Variants in CREBBP observed in about 807,000 individuals in gnomAD.
The protein encoded by CREBBP is CREB binding lysine acetyltransferase.
In CREBBP, 19 loss-of-function variants were observed where a neutral mutation model predicts 265.0. That is an observed-to-expected ratio of 0.07 (90% CI 0.05 to 0.11). The LOEUF (loss-of-function observed/expected upper bound fraction) is 0.11, where lower values mean the gene tolerates loss of function less well. Ranked by LOEUF, CREBBP falls within the 10% of genes least tolerant of loss-of-function variation. CREBBP has a pLI of 1.00. For missense variants in CREBBP, 2,525 were observed against 3,219.0 expected (o/e 0.78, Z 5.22); for synonymous variants, 1,457 against 1,223.7 (o/e 1.19, Z -3.98).
intron 2 of CREBBP, among the ~76,000 whole-genome samples, chr16:3,846,283 G>A (rs761225750): frequency 2.0e-5 from 3 of 152,230 alleles, no homozygotes; most frequent in Non-Finnish European, 4.4e-5. Context: ...TTGCTTAACA[G>A]AATGTCAAGT....
rs771521258 is a variant in CREBBP at position 3,793,483 on chromosome 16, T to C, written c.1119A>G (p.Ala373=). 6.2e-7 allele frequency: 1 copy of C among 1,614,060 alleles called. No individual in the cohort carries two copies. ...HAHKCQRREQ[A]NGEVRACSLP... ...GCGAGCAGGCCCGAACCTCTCCGTT[T>C]GCTTGCTCTCGTCTCTGACACTTAT... Residue 373 remains alanine, a synonymous_variant, in exon 4 of 31, where the codon GCA becomes GCG. Coordinates refer to ENST00000262367, the MANE Select transcript of CREBBP (RefSeq NM_004380.3).
rs1160664104 is a variant in CREBBP, at chr16:3,781,837, T to C, written c.1574-531A>G. On this transcript the variant is annotated intron_variant, in intron 6 of 30. Coordinates refer to ENST00000262367, the MANE Select transcript of CREBBP (RefSeq NM_004380.3). ...ATTATACCATCAACAGGAGAGGAGT[T>C]AGATTAACACTTGGGTCTCAGGATT... Among the ~76,000 whole-genome samples the C allele has an allele frequency of 2.0e-5, 3 of 152,168 alleles. No homozygotes were observed. The East Asian group carries it at 5.8e-4, about 29-fold the overall frequency.
chr16:3,728,862 A>C lies in CREBBP; in HGVS notation c.6185T>G (p.Ile2062Ser), dbSNP rs1200572057. Reference protein sequence around the residue: ...RMPSVQPPRSISPSALQDLLR... With the variant: ...RMPSVQPPRSSSPSALQDLLR... ...CAGGTCTTGCAGAGCGCTGGGTGAG[A>C]TGCTCCTGGGTGGCTGCACGCTGGG... The change falls in exon 31 of 31, where the codon ATC (isoleucine) becomes AGC (serine). Residue 2062 changes from isoleucine (I) to serine (S), a missense_variant. This residue lies in a region of CREBBP where 275 missense variants were observed against 276.5 expected (regional missense o/e 0.99). Coordinates refer to ENST00000262367, the MANE Select transcript of CREBBP (RefSeq NM_004380.3). The surrounding 1 kb of genome is among the most constrained non-coding windows in gnomAD (Gnocchi z 8.7). 2 of 1,612,668 alleles carry C rather than the reference A, an allele frequency of 1.2e-6. No individual in the cohort carries two copies. Among genetic ancestry groups the C allele is most frequent in the East Asian group, 4.5e-5 (2 of 44,854 alleles).
chr16:3,776,355 G>T (rs1419152166), intron 11 of CREBBP, among the ~76,000 whole-genome samples: 1 of 152,036 alleles, frequency 6.6e-6, no homozygotes, highest in Non-Finnish European at 1.5e-5. Flanking sequence ...AGAGCTACAG[G>T]GTTTTCAAAT....
rs374048651 is a variant in CREBBP, at chr16:3,778,195, A to G, written c.1942-13T>C. On this transcript the variant is annotated splice_polypyrimidine_tract_variant and intron_variant, in intron 9 of 30. Transcript: ENST00000262367. ...GATAATATTCATCCTAAAAAGCAAT[A>G]ATATTCAATATGAAACAGTTAAAAC... The G allele has an allele frequency of 3.4e-5, 54 of 1,575,218 alleles. No individual in the cohort carries two copies. The highest frequency in any genetic ancestry group is 4.5e-5 in the Non-Finnish European group (51 of 1,145,026).
At position 3,727,575 on chromosome 16, in the gene CREBBP, G is replaced by T; in HGVS notation, c.*143C>A. Reference sequence around the variant, plus strand: ...TTTTTAACAAAAAAATATATTCTTTGTATTGTTTCTTTAAACATCAATCCA... The same window carrying T: ...TTTTTAACAAAAAAATATATTCTTTTTATTGTTTCTTTAAACATCAATCCA... On this transcript the variant is annotated 3_prime_UTR_variant, in exon 31 of 31. Transcript: ENST00000262367. 8.0e-7 allele frequency: 1 copy of T among 1,245,856 alleles called. No homozygotes were observed. Among genetic ancestry groups the T allele is most frequent in the Non-Finnish European group, 1.1e-6 (1 of 936,694 alleles). The allele number at this position is 1,245,856 out of a possible 1,614,324, so 77.2% of individuals were successfully genotyped here.
intron 19 of CREBBP, among the ~76,000 whole-genome samples, chr16:3,756,364 C>T (rs530447734): frequency 2.0e-5 from 3 of 152,250 alleles, no homozygotes; most frequent in Non-Finnish European, 2.9e-5. Context: ...GACACTTACA[C>T]GCTGCGGTAC....
At chr16:3,745,244 G>A (rs1275721987) in intron 22 of CREBBP, 33 bp downstream of exon 22, 2 of 1,598,700 alleles carry the variant, frequency 1.3e-6, no homozygotes, top group East Asian at 2.2e-5. Context: ...GCTCTGTGCA[G>A]AACTGCCCTC....
chr16:3,771,022 C>A (rs2141205185), intron 13 of CREBBP, 36 bp from the exon 14 acceptor site: 1 of 1,609,516 alleles, frequency 6.2e-7, no homozygotes, highest in South Asian at 1.1e-5. Flanking sequence ...AAAATTATTT[C>A]CCCCGTTTGA....
chr16:3,754,332 T>C (rs1040907415), intron 19 of CREBBP, among the ~76,000 whole-genome samples: 1 of 152,200 alleles, frequency 6.6e-6, no homozygotes, highest in South Asian at 2.1e-4. Flanking sequence ...CTATGAGTGA[T>C]AGATGTTATT....
In CREBBP at chr16:3,850,509, T is replaced by C. The variant is rs794727274; in HGVS notation, c.586A>G (p.Ser196Gly). 6 of 1,614,158 alleles carry C rather than the reference T, an allele frequency of 3.7e-6. No homozygotes were observed. The highest frequency in any genetic ancestry group is 1.6e-4 in the Middle Eastern group (1 of 6,084). The change falls in exon 2 of 31, where the codon AGC becomes GGC. Residue 196 changes from serine to glycine, a missense_variant. Transcript: ENST00000262367. ...CCTTGTGAAGCCTGATTAATTAAGCTATGGCCAGAGTTACTATTGAGGAGG... is the reference window on the plus strand; with the variant it reads ...CCTTGTGAAGCCTGATTAATTAAGCCATGGCCAGAGTTACTATTGAGGAGG... Reference protein sequence around the residue: ...PGLLNSNSGHSLINQASQGQA... With the variant: ...PGLLNSNSGHGLINQASQGQA...
At chr16:3,794,853 C>A (rs1596951545) in intron 3 of CREBBP, among the ~76,000 whole-genome samples, 1 of 152,294 alleles carries the variant, frequency 6.6e-6, no homozygotes, top group Middle Eastern at 3.4e-3. Context: ...TCCGGGATTT[C>A]CAATTTTCTC....
Position 3,786,321 on chromosome 16 carries a change from G to A in CREBBP, c.1331-3395C>T, listed in dbSNP as rs544867231. Among the ~76,000 whole-genome samples, 12 of 152,206 alleles carry A rather than the reference G, an allele frequency of 7.9e-5. No individual in the cohort carries two copies. The East Asian group carries it at 9.6e-4, about 12-fold the overall frequency. ...GTAGAAGTTGCAGTGAGCTGAGATC[G>A]CGCCACTACACTCCAGCCTGGGCAA... On this transcript the variant is annotated intron_variant, in intron 5 of 30. Coordinates refer to ENST00000262367, the MANE Select transcript of CREBBP (RefSeq NM_004380.3).
At chr16:3,855,333 T>A (rs2054936777) in intron 1 of CREBBP, among the ~76,000 whole-genome samples, 1 of 152,200 alleles carries the variant, frequency 6.6e-6, no homozygotes, top group Non-Finnish European at 1.5e-5. Context: ...AGTGGCACGA[T>A]CCAGGCTCAC....
rs752313638 is a variant in CREBBP, at chr16:3,729,347, G to T, written c.5700C>A (p.Pro1900=). 2 of 1,599,326 alleles carry T rather than the reference G, an allele frequency of 1.3e-6. No individual in the cohort carries two copies. The highest frequency in any genetic ancestry group is 2.2e-5 in the South Asian group (2 of 90,376). The change falls in exon 31 of 31, where the codon CCC becomes CCA. Residue 1900 remains proline, a synonymous_variant. Coordinates refer to ENST00000262367, the MANE Select transcript of CREBBP (RefSeq NM_004380.3). ...GCTGGGCAGGGGGCTGCGGCGTCTG[G>T]GGTGTGCTGGGCTGCTGTGTGGGGG... ...PGTPTQQPST[P]QTPQPPAQPQ...
intron 3 of CREBBP, 104 bp downstream of exon 3, chr16:3,810,499 C>T (rs372784913): frequency 7.3e-7 from 1 of 1,368,714 alleles, no homozygotes. Context: ...CTATCACCTA[C>T]TGACACACTT....
At chr16:3,777,479 T>C (rs2141230126) in intron 11 of CREBBP, 134 bp downstream of exon 11, 10 of 951,322 alleles carry the variant, frequency 1.1e-5, no homozygotes, top group Middle Eastern at 2.1e-4. Context: ...AGAACTGAAT[T>C]CTGCTTATCA....
chr16:3,859,878 A>G (rs1481461901), intron 1 of CREBBP, among the ~76,000 whole-genome samples: 1 of 152,192 alleles, frequency 6.6e-6, no homozygotes, highest in East Asian at 1.9e-4. Context: ...ATCCTTTACA[A>G]TAAAAAACCA....
chr16:3,879,757 G>T, intron 1 of CREBBP, 75 bp downstream of exon 1: 1 of 1,458,164 alleles, frequency 6.9e-7, no homozygotes, highest in South Asian at 1.2e-5. Flanking sequence ...CCGCGACCAC[G>T]ACCCCCGGAC....
Sources: gnomAD v4.1 joint callset for allele counts (sites outside exome capture counted in the v4.1 genomes callset) on GRCh38, gnomAD v4.1.1 for gene constraint, gnomAD v4.1.1 regional missense constraint, Gnocchi (gnomAD v3.1) non-coding constraint, MANE v1.5 for transcripts, NCBI Gene and HGNC (gene_info 2026-07-23, HGNC 2026-07-21) for gene names.